ENTHD1: variants seen among roughly 807,000 people sequenced by gnomAD.
ENTHD1 encodes ENTH domain containing 1.
Under a neutral mutation model 39.1 loss-of-function variants are expected in ENTHD1, and 23 were observed. The ratio of observed to expected loss-of-function variants is 0.59; its 90% CI spans 0.42 to 0.83. The LOEUF (loss-of-function observed/expected upper bound fraction) is 0.83. Among genes scored for constraint, ENTHD1 ranks in the 40% least tolerant of loss-of-function variants. The pLI is 0.00. For missense variants in ENTHD1, 624 were observed against 705.4 expected (o/e 0.88, Z 1.31); for synonymous variants, 230 against 258.2 (o/e 0.89, Z 1.05).
At chr22:39,837,486 C>T (rs1021956129) in intron 3 of ENTHD1, among the ~76,000 whole-genome samples, 5 of 152,138 alleles carry the variant, frequency 3.3e-5, no homozygotes, top group Admixed American at 2.0e-4. Flanking sequence ...ACCTCTAAGG[C>T]ACCAAATAAT....
chr22:39,764,892 T>C (rs1482012887), intron 6 of ENTHD1, among the ~76,000 whole-genome samples: 1 of 152,058 alleles, frequency 6.6e-6, no homozygotes, highest in Non-Finnish European at 1.5e-5. Context: ...ATATAATCTC[T>C]TAATAAGTAA....
At chr22:39,864,523 T>C (rs1482942329) in intron 2 of ENTHD1, among the ~76,000 whole-genome samples, 1 of 152,228 alleles carries the variant, frequency 6.6e-6, no homozygotes, top group Non-Finnish European at 1.5e-5. Context: ...GTTTACTTAT[T>C]TATTGTTTGT....
chr22:39,744,527 TTCATCTTGAC>T (rs148419515), intron 6 of ENTHD1, among the ~76,000 whole-genome samples: 8,919 of 152,202 alleles, frequency 0.059, 362 homozygotes, highest in South Asian at 0.13. Flanking sequence ...ATTATCAATA[TTCATCTTGAC>T]TCATCTTGAC....
intron 2 of ENTHD1, among the ~76,000 whole-genome samples, chr22:39,880,177 T>A (rs2066326282): frequency 6.6e-6 from 1 of 152,244 alleles, no homozygotes; most frequent in South Asian, 2.1e-4. Flanking sequence ...AAGGCTTCAG[T>A]GACTTCTGAT....
chr22:39,764,546 CTACT>C (rs1484322637), intron 6 of ENTHD1, among the ~76,000 whole-genome samples: 3 of 152,024 alleles, frequency 2.0e-5, no homozygotes, highest in Non-Finnish European at 4.4e-5. Context: ...AATAAAACTA[CTACT>C]TAGTCTTTGA....
At chr22:39,749,276 A>G (rs1248900373) in intron 6 of ENTHD1, among the ~76,000 whole-genome samples, 1 of 152,176 alleles carries the variant, frequency 6.6e-6, no homozygotes, top group African/African-American at 2.4e-5. Flanking sequence ...CACACAGTCT[A>G]CTCAGCAGAA....
Position 39,868,414 on chromosome 22 carries a change from A to G in ENTHD1, c.350-6407T>C, listed in dbSNP as rs527348986. Among the ~76,000 whole-genome samples, 8 of 152,218 alleles carry G rather than the reference A, an allele frequency of 5.3e-5. No individual in the cohort carries two copies. In the East Asian group the frequency reaches 1.5e-3, roughly 29 times the overall value. On this transcript the variant is annotated intron_variant, in intron 2 of 6. Transcript: ENST00000325157. ...GTTGTGGGAAAAAATCTCCCACTCAAAATAGCCTAAACACTAAAATTCTAA... is the reference window on the plus strand; with the variant it reads ...GTTGTGGGAAAAAATCTCCCACTCAGAATAGCCTAAACACTAAAATTCTAA...
intron 3 of ENTHD1, among the ~76,000 whole-genome samples, chr22:39,843,803 A>G (rs1015939114): frequency 1.3e-5 from 2 of 152,088 alleles, no homozygotes; most frequent in Admixed American, 1.3e-4. Context: ...AGGGGGCATG[A>G]CCTTGAACGA....
At chr22:39,812,511 G>C (rs1400936208) in intron 5 of ENTHD1, among the ~76,000 whole-genome samples, 3 of 152,172 alleles carry the variant, frequency 2.0e-5, no homozygotes, top group African/African-American at 7.2e-5. Flanking sequence ...CTGTGGAAGA[G>C]GTCTCAAAAA....
At chr22:39,886,650 T>C (rs995632031) in intron 2 of ENTHD1, among the ~76,000 whole-genome samples, 1 of 152,240 alleles carries the variant, frequency 6.6e-6, no homozygotes, top group East Asian at 1.9e-4. Flanking sequence ...ACTATTCATT[T>C]TGAACACAAA....
chr22:39,848,335 C>G (rs930504840), intron 3 of ENTHD1, among the ~76,000 whole-genome samples: 1 of 151,622 alleles, frequency 6.6e-6, no homozygotes, highest in East Asian at 1.9e-4. Context: ...CTCACTGCAA[C>G]CTCCGCCTCC....
chr22:39,851,465 C>T (rs1393610155), intron 3 of ENTHD1, among the ~76,000 whole-genome samples: 1 of 152,162 alleles, frequency 6.6e-6, no homozygotes, highest in Non-Finnish European at 1.5e-5. Flanking sequence ...CCAATATCTA[C>T]ACTCTTTGGG....
chr22:39,823,303 A>T (rs944741600), intron 4 of ENTHD1, among the ~76,000 whole-genome samples: 3 of 152,166 alleles, frequency 2.0e-5, no homozygotes, highest in African/African-American at 7.2e-5. Flanking sequence ...ATTACAAATA[A>T]AGCTGCTGTG....
intron 3 of ENTHD1, among the ~76,000 whole-genome samples, chr22:39,844,221 G>A (rs754166806): frequency 6.6e-6 from 1 of 152,140 alleles, no homozygotes; most frequent in Admixed American, 6.5e-5. Context: ...AGAAAGCAGA[G>A]ATGTTTAAGT....
At chr22:39,745,362 C>T (rs755204263) in intron 6 of ENTHD1, among the ~76,000 whole-genome samples, 1 of 152,172 alleles carries the variant, frequency 6.6e-6, no homozygotes, top group African/African-American at 2.4e-5. Flanking sequence ...CTAATGAGAA[C>T]ACATGGCTTA....
intron 2 of ENTHD1, among the ~76,000 whole-genome samples, chr22:39,866,474 G>A (rs768087342): frequency 6.6e-6 from 1 of 152,218 alleles, no homozygotes; most frequent in Non-Finnish European, 1.5e-5. Context: ...AGGGTGATGT[G>A]CCAGACTTTA....
At chr22:39,792,786 A>T (rs1019518886) in intron 5 of ENTHD1, among the ~76,000 whole-genome samples, 5 of 152,122 alleles carry the variant, frequency 3.3e-5, no homozygotes, top group African/African-American at 7.2e-5. Context: ...TGAATGTCCG[A>T]GTATCCCATT....
intron 5 of ENTHD1, among the ~76,000 whole-genome samples, chr22:39,816,751 A>G (rs1332952391): frequency 6.6e-6 from 1 of 152,146 alleles, no homozygotes; most frequent in Non-Finnish European, 1.5e-5. Flanking sequence ...AAAACACAAA[A>G]ACTAAAAGCC....
chr22:39,772,207 A>G (rs2065332095), intron 5 of ENTHD1, among the ~76,000 whole-genome samples: 1 of 152,034 alleles, frequency 6.6e-6, no homozygotes, highest in African/African-American at 2.4e-5. Flanking sequence ...TGCAACCTAG[A>G]TCCCTCGCAT....
Sources: allele counts gnomAD v4.1 joint callset (sites outside exome capture counted in the v4.1 genomes callset), GRCh38; gene constraint gnomAD v4.1.1; transcripts MANE v1.5; gene names NCBI Gene and HGNC (gene_info 2026-07-23, HGNC 2026-07-21).